ATP11B: variants seen among roughly 807,000 people sequenced by gnomAD.
The protein encoded by ATP11B is phospholipid-transporting ATPase IF.
In ATP11B, 81 loss-of-function variants were observed where a neutral mutation model predicts 157.8. That is an observed-to-expected ratio of 0.51 (90% CI 0.43 to 0.62). The LOEUF (loss-of-function observed/expected upper bound fraction) is 0.62, where lower values mean the gene tolerates loss of function less well. Among genes scored for constraint, ATP11B ranks in the 20% least tolerant of loss-of-function variants. The pLI is 0.00. For missense variants in ATP11B, 1,165 were observed against 1,402.2 expected (o/e 0.83, Z 2.70); for synonymous variants, 451 against 469.4 (o/e 0.96, Z 0.51).
chr3:182,797,725 A>G (rs1436174666), intron 1 of ATP11B, among the ~76,000 whole-genome samples: 1 of 151,744 alleles, frequency 6.6e-6, no homozygotes, highest in African/African-American at 2.4e-5. Flanking sequence ...AAAAAAGAAA[A>G]AAGAAAAAAG....
chr3:182,884,165 G>A (rs567099873), intron 21 of ATP11B, among the ~76,000 whole-genome samples: 1 of 151,962 alleles, frequency 6.6e-6, no homozygotes, highest in Admixed American at 6.5e-5. Context: ...GAAACCTTAA[G>A]GATTATTGTA....
rs761176675 is a variant in ATP11B at position 182,836,358 on chromosome 3, G to A, written c.440G>A (p.Arg147Gln). 6 of 1,613,660 alleles carry A rather than the reference G, an allele frequency of 3.7e-6. No homozygotes were observed. Among genetic ancestry groups the A allele is most frequent in the African/African-American group, 1.3e-5 (1 of 75,006 alleles). The change falls in exon 6 of 30, where the codon CGA (arginine) becomes CAA (glutamine). Residue 147 changes from arginine to glutamine, a missense_variant. This residue lies in a region of ATP11B where 737 missense variants were observed against 930.5 expected (regional missense o/e 0.79). Coordinates refer to ENST00000323116, the MANE Select transcript of ATP11B (RefSeq NM_014616.3). ...TCTTTATAGGTGGGTGATATTGTTC[G>A]AATAGCCAAAGATGAAATTTTTCCT... ...SKNIRVGDIVRIAKDEIFPAD... is the reference protein window; with the variant it reads ...SKNIRVGDIVQIAKDEIFPAD...
intron 24 of ATP11B, 82 bp from the exon 25 acceptor site, chr3:182,889,328 T>A (rs1350619351): frequency 4.0e-6 from 4 of 1,002,220 alleles, no homozygotes; most frequent in African/African-American, 3.4e-5. Flanking sequence ...TCTTGTTTTT[T>A]AATTATCATA....
At chr3:182,822,182 A>T (rs139127561) in intron 2 of ATP11B, among the ~76,000 whole-genome samples, 172 of 151,804 alleles carry the variant, frequency 1.1e-3, no homozygotes, top group African/African-American at 4.0e-3. Context: ...GGTTTGTTAC[A>T]TATGTATACA....
At chr3:182,851,684 A>G (rs1719990018) in intron 10 of ATP11B, among the ~76,000 whole-genome samples, 1 of 152,244 alleles carries the variant, frequency 6.6e-6, no homozygotes, top group Non-Finnish European at 1.5e-5. Context: ...AGTTAGAGCA[A>G]CTGAATATTA....
chr3:182,811,047 A>G (rs1029445650), intron 1 of ATP11B, among the ~76,000 whole-genome samples: 1 of 150,514 alleles, frequency 6.6e-6, no homozygotes, highest in Non-Finnish European at 1.5e-5. Flanking sequence ...AATAAAATCT[A>G]TTTCAGTATG....
intron 9 of ATP11B, among the ~76,000 whole-genome samples, chr3:182,847,363 C>T (rs1254809574): frequency 2.0e-5 from 3 of 152,062 alleles, no homozygotes; most frequent in African/African-American, 4.8e-5. Flanking sequence ...GTAGTAACTT[C>T]GTCACTCCTG....
At chr3:182,860,568 G>T (rs1341029100) in intron 12 of ATP11B, among the ~76,000 whole-genome samples, 1 of 151,970 alleles carries the variant, frequency 6.6e-6, no homozygotes, top group African/African-American at 2.4e-5. Context: ...AAATTTTCTT[G>T]TACTATTGTT....
At chr3:182,883,731 G>A (rs1339917874) in intron 21 of ATP11B, among the ~76,000 whole-genome samples, 9 of 150,878 alleles carry the variant, frequency 6.0e-5, no homozygotes, top group Admixed American at 2.6e-4. Flanking sequence ...CGAGGCGGGC[G>A]GATCACGAGG....
intron 15 of ATP11B, among the ~76,000 whole-genome samples, chr3:182,868,713 C>G (rs919163133): frequency 6.6e-6 from 1 of 152,168 alleles, no homozygotes; most frequent in Non-Finnish European, 1.5e-5. Flanking sequence ...CTGGGCAGAT[C>G]TGGATTCCAG....
chr3:182,891,200 G>A (rs1040867002), intron 25 of ATP11B, among the ~76,000 whole-genome samples: 8 of 152,098 alleles, frequency 5.3e-5, no homozygotes, highest in African/African-American at 9.7e-5. Flanking sequence ...GGTGAAAACC[G>A]GACAGAATTA....
intron 29 of ATP11B, chr3:182,915,615 G>A (rs1725085504): frequency 1.0e-6 from 1 of 969,462 alleles, no homozygotes; most frequent in South Asian, 4.8e-5. Context: ...TTTTGTTAAT[G>A]ATTTTTTTAA....
At chr3:182,885,095 G>C (rs371918636) in intron 22 of ATP11B, among the ~76,000 whole-genome samples, 197 bp downstream of exon 22, 35 of 152,198 alleles carry the variant, frequency 2.3e-4, no homozygotes, top group African/African-American at 8.4e-4. Flanking sequence ...ATGCAAATTA[G>C]AACATAGTAC....
chr3:182,881,536 T>C (rs113806175), intron 21 of ATP11B, among the ~76,000 whole-genome samples: 18,105 of 150,594 alleles, frequency 0.12, 1,220 homozygotes, highest in African/African-American at 0.18. Flanking sequence ...CAAGACTCTG[T>C]CTCAAAAAAA....
intron 25 of ATP11B, among the ~76,000 whole-genome samples, chr3:182,894,810 C>T (rs373689380): frequency 1.3e-5 from 2 of 151,966 alleles, no homozygotes; most frequent in East Asian, 1.9e-4. Context: ...AGGCCCAGGT[C>T]CCCGGTTGCA....
rs1722275440 is a variant in ATP11B, at chr3:182,879,530, G to A, written c.2287G>A (p.Val763Ile). 1.2e-6 allele frequency: 2 copies of A among 1,612,038 alleles called. No individual in the cohort carries two copies. Among genetic ancestry groups the A allele is most frequent in the Non-Finnish European group, 1.7e-6 (2 of 1,179,460 alleles). ...TEDHVIQHGL[V>I]VDGTSLSLAL... The stretch of plus-strand genomic sequence containing the variant: ...GGATCATGTGATTCAGCATGGGCTG[G>A]TAGTGGATGGGACCAGCCTATCTCT... The change falls in exon 20 of 30, where the codon GTA becomes ATA. Residue 763 changes from valine to isoleucine, a missense_variant. Transcript: ENST00000323116.
rs762257809 is a variant in ATP11B, at chr3:182,913,855, C to T, written c.3319-6C>T. ...CAACTGATGTTTTCTGCTTCACCTC[C>T]CGCAGCTTACTGAAACAAATGCAGG... On this transcript the variant is annotated splice_region_variant and splice_polypyrimidine_tract_variant and intron_variant, in intron 28 of 29. Coordinates refer to ENST00000323116, the MANE Select transcript of ATP11B (RefSeq NM_014616.3). 6.2e-7 allele frequency: 1 copy of T among 1,614,058 alleles called. No homozygotes were observed. Among genetic ancestry groups the T allele is most frequent in the Non-Finnish European group, 8.5e-7 (1 of 1,179,914 alleles).
At chr3:182,868,808 T>A (rs1266278191) in intron 15 of ATP11B, among the ~76,000 whole-genome samples, 1 of 152,178 alleles carries the variant, frequency 6.6e-6, no homozygotes, top group African/African-American at 2.4e-5. Flanking sequence ...TCTATAAAAA[T>A]GAGATAAGAC....
intron 28 of ATP11B, chr3:182,902,539 G>A (rs1020866382): frequency 1.6e-6 from 2 of 1,289,358 alleles, no homozygotes; most frequent in Non-Finnish European, 2.0e-6. Flanking sequence ...CCATTGTCGA[G>A]GGCAAGGAAT....
Sources: gnomAD v4.1 joint callset for allele counts (sites outside exome capture counted in the v4.1 genomes callset) on GRCh38, gnomAD v4.1.1 for gene constraint, gnomAD v4.1.1 regional missense constraint, MANE v1.5 for transcripts, NCBI Gene and HGNC (gene_info 2026-07-23, HGNC 2026-07-21) for gene names.